MBD5: variants seen among roughly 807,000 people sequenced by gnomAD.
The protein encoded by MBD5 is methyl-CpG binding domain protein 5, also known as methyl-CpG-binding domain protein 5.
In MBD5, 13 loss-of-function variants were observed where a neutral mutation model predicts 117.3. The observed-to-expected ratio is 0.11, with a 90% CI of 0.07 to 0.18. MBD5 has a LOEUF of 0.18. Ranked by LOEUF, MBD5 falls within the 10% of genes least tolerant of loss-of-function variation. MBD5 has a pLI of 1.00. For synonymous variants in MBD5, 727 were observed against 766.4 expected (o/e 0.95, Z 0.85); for missense variants, 1,879 against 2,093.8 (o/e 0.90, Z 2.00).
chr2:148,188,392 A>C (rs1698721740), intron 2 of MBD5, among the ~76,000 whole-genome samples: 1 of 152,182 alleles, frequency 6.6e-6, no homozygotes, highest in Non-Finnish European at 1.5e-5. Context: ...ATAAAGTAGA[A>C]TACTAGAGAA....
At chr2:148,453,450 T>C (rs926062374) in intron 4 of MBD5, among the ~76,000 whole-genome samples, 32 of 152,158 alleles carry the variant, frequency 2.1e-4, no homozygotes, top group African/African-American at 7.7e-4. Flanking sequence ...ACTTTGCATC[T>C]CATTATTATT....
chr2:148,325,592 ATTTC>A (rs1702424360), intron 3 of MBD5, among the ~76,000 whole-genome samples: 1 of 152,028 alleles, frequency 6.6e-6, no homozygotes, highest in South Asian at 2.1e-4. Context: ...GAATTTATCC[ATTTC>A]TTCTAGATTT....
At chr2:148,038,391 T>G (rs1694255395) in intron 1 of MBD5, among the ~76,000 whole-genome samples, 1 of 152,036 alleles carries the variant, frequency 6.6e-6, no homozygotes, top group African/African-American at 2.4e-5. Flanking sequence ...ACTATGTTGG[T>G]ACTATGGTTC....
chr2:148,258,105 G>A (rs1025715856), intron 3 of MBD5, among the ~76,000 whole-genome samples: 2 of 152,132 alleles, frequency 1.3e-5, no homozygotes, highest in East Asian at 1.9e-4. Flanking sequence ...GTATTGATGG[G>A]TGGAAGTAAC....
chr2:148,471,259 G>A (rs932229823), intron 8 of MBD5: 7 of 151,958 alleles, frequency 4.6e-5, no homozygotes, highest in East Asian at 1.9e-4. Context: ...TTAAAAGTAG[G>A]CATATTAGAA....
chr2:148,503,904 A>C (rs1681947041), intron 12 of MBD5, among the ~76,000 whole-genome samples: 2 of 152,210 alleles, frequency 1.3e-5, no homozygotes, highest in African/African-American at 4.8e-5. Flanking sequence ...AACAGTACCC[A>C]TTTCTTTGGT....
chr2:148,291,340 T>G (rs1295122809), intron 3 of MBD5, among the ~76,000 whole-genome samples: 2 of 152,232 alleles, frequency 1.3e-5, no homozygotes, highest in African/African-American at 2.4e-5. Context: ...GAACATGAGA[T>G]GTCTTTGTAT....
At chr2:148,359,073 G>A (rs1210032043) in intron 4 of MBD5, among the ~76,000 whole-genome samples, 1 of 151,924 alleles carries the variant, frequency 6.6e-6, no homozygotes, top group East Asian at 1.9e-4. Flanking sequence ...ACCAGCCTGG[G>A]CGACATGGTG....
chr2:148,413,006 T>A, intron 4 of MBD5, among the ~76,000 whole-genome samples: 1 of 151,962 alleles, frequency 6.6e-6, no homozygotes, highest in African/African-American at 2.4e-5. Flanking sequence ...TCAATAGGAG[T>A]GGTGAGAATA....
intron 3 of MBD5, among the ~76,000 whole-genome samples, chr2:148,294,769 G>C (rs1183108477): frequency 6.6e-6 from 1 of 152,052 alleles, no homozygotes; most frequent in African/African-American, 2.4e-5. Flanking sequence ...GCCTCCCAAA[G>C]TGCTGGGATT....
At chr2:148,021,805 G>C (rs565002972) in intron 1 of MBD5, 121 bp downstream of exon 1, 1 of 209,490 alleles carries the variant, frequency 4.8e-6, no homozygotes, top group Non-Finnish European at 1.0e-5. Flanking sequence ...TGGTGCTGGG[G>C]GGGGTGAAGG....
chr2:148,481,922 A>G (rs558237459), intron 8 of MBD5: 1 of 152,310 alleles, frequency 6.6e-6, no homozygotes, highest in African/African-American at 2.4e-5. Flanking sequence ...CAGAATTTTC[A>G]TCCCTAGTGT....
chr2:148,426,741 G>A (rs1012653223), intron 4 of MBD5, among the ~76,000 whole-genome samples: 9 of 152,084 alleles, frequency 5.9e-5, no homozygotes, highest in African/African-American at 2.2e-4. Flanking sequence ...ATAGACATGG[G>A]CAAGGACTTC....
intron 4 of MBD5, among the ~76,000 whole-genome samples, chr2:148,367,873 TTGG>T (rs1559042298): frequency 6.6e-6 from 1 of 152,240 alleles, no homozygotes; most frequent in East Asian, 1.9e-4. Context: ...TTTTACACCA[TTGG>T]TGGGAGTGTA....
intron 1 of MBD5, among the ~76,000 whole-genome samples, chr2:148,177,584 T>A (rs181879371): frequency 6.6e-6 from 1 of 152,340 alleles, no homozygotes; most frequent in Non-Finnish European, 1.5e-5. Flanking sequence ...CTGTAAATAG[T>A]ATTTTTGGAA....
chr2:148,461,720 C>T (rs573221182), intron 5 of MBD5, among the ~76,000 whole-genome samples: 1 of 152,118 alleles, frequency 6.6e-6, no homozygotes, highest in South Asian at 2.1e-4. Flanking sequence ...TGCAGATTGT[C>T]CATCTCACAT....
intron 3 of MBD5, among the ~76,000 whole-genome samples, chr2:148,271,740 C>G (rs150839131): frequency 7.2e-4 from 110 of 152,180 alleles, no homozygotes; most frequent in African/African-American, 2.5e-3. Context: ...TTGGCTAAAT[C>G]AAGCTAGTTA....
At chr2:148,262,437 G>T (rs1261301396) in intron 3 of MBD5, among the ~76,000 whole-genome samples, 1 of 151,996 alleles carries the variant, frequency 6.6e-6, no homozygotes. Flanking sequence ...TCTATTTAAG[G>T]CCATATAATA....
chr2:148,042,986 A>T (rs1694406728), intron 1 of MBD5, among the ~76,000 whole-genome samples: 2 of 152,100 alleles, frequency 1.3e-5, no homozygotes, highest in Non-Finnish European at 2.9e-5. Context: ...GTCTTGTATA[A>T]AAAATTTTGT....
Sources: allele counts gnomAD v4.1 joint callset (sites outside exome capture counted in the v4.1 genomes callset), GRCh38; gene constraint gnomAD v4.1.1; transcripts MANE v1.5; gene names NCBI Gene and HGNC (gene_info 2026-07-23, HGNC 2026-07-21).